The following LRIF1 variants were observed in gnomAD, a reference collection of about 807,000 sequenced individuals.
The protein encoded by LRIF1 is ligand dependent nuclear receptor interacting factor 1, also known as ligand-dependent nuclear receptor-interacting factor 1.
Under a neutral mutation model 52.7 loss-of-function variants are expected in LRIF1, and 32 were observed. That is an observed-to-expected ratio of 0.61 (90% CI 0.46 to 0.82). The LOEUF is 0.82. Among genes scored for constraint, LRIF1 ranks in the 40% least tolerant of loss-of-function variants. The pLI is 0.00. For missense variants in LRIF1, 887 were observed against 892.0 expected, an observed-to-expected ratio of 0.99 and a Z score of 0.07; for synonymous variants, 323 against 317.4, an observed-to-expected ratio of 1.02 and a Z score of -0.19.
At chr1:110,944,365 G>A (rs1159015289), downstream of LRIF1, 1 of 152,132 alleles carries the variant, frequency 6.6e-6, no homozygotes, top group Admixed American at 6.5e-5. Flanking sequence ...ATAGGTTTGA[G>A]ATGTCTATTT....
At position 110,955,359 on chromosome 1, in the gene LRIF1, A is replaced by C. The variant is rs541093907; in HGVS notation, c.69-2544T>G. On this transcript the variant is annotated intron_variant, in intron 1 of 3. Transcript: ENST00000369763. Reference sequence around the variant, plus strand: ...AAGCAAACATCATCTCTGGCTTAGAATACTACAATAGCTTCATGACTGATT... The same window carrying C: ...AAGCAAACATCATCTCTGGCTTAGACTACTACAATAGCTTCATGACTGATT... 2.6e-5 allele frequency among the ~76,000 whole-genome samples: 4 copies of C among 152,350 alleles called. No individual in the cohort carries two copies. The East Asian group carries it at 5.8e-4, about 22-fold the overall frequency.
At chr1:110,886,867 ATATTTT>A in the LRIF1 span, among the ~76,000 whole-genome samples, 16 of 41,370 alleles carry the variant, frequency 3.9e-4, no homozygotes, top group African/African-American at 1.0e-3. Context: ...ATATATATAT[ATATTTT>A]TTTTTTCTGT....
At position 110,951,349 on chromosome 1, in the gene LRIF1, G is replaced by T; in HGVS notation, c.1535C>A (p.Ser512Tyr). 1.2e-6 allele frequency: 2 copies of T among 1,614,066 alleles called. No individual in the cohort carries two copies. The highest frequency in any genetic ancestry group is 1.7e-6 in the Non-Finnish European group (2 of 1,179,976). The change falls in exon 2 of 4, where the codon TCC (serine) becomes TAC (tyrosine). Residue 512 changes from serine to tyrosine, a missense_variant. By Grantham distance (144) the Ser-to-Tyr change is moderately radical. Coordinates refer to ENST00000369763, the MANE Select transcript of LRIF1 (RefSeq NM_018372.4). ...SVLQSIEKIS[S>Y]SVDATTVTSQ... ...AGTAACAGTTGTTGCATCAACAGAG[G>T]AACTTATTTTCTCTATGCTCTGGAG...
At chr1:110,953,042 T>C (rs1416704160) in intron 1 of LRIF1, 1 of 198,216 alleles carries the variant, frequency 5.0e-6, no homozygotes, top group African/African-American at 2.3e-5. Flanking sequence ...ATAACATTTA[T>C]TCCTAAGACT....
At chr1:110,909,573 CTTTTTTTTTTTT>C in the LRIF1 span, among the ~76,000 whole-genome samples, 1 of 78,020 alleles carries the variant, frequency 1.3e-5, no homozygotes, top group East Asian at 4.2e-4. Context: ...GCAGGGGTAG[CTTTTTTTTTTTT>C]TTTTTTTTTT....
chr1:110,951,819 A>C lies in LRIF1; in HGVS notation c.1065T>G (p.Asn355Lys). ...TRSKNMPIKD[N>K]ALVMFNGKVY... ...CTTTCCCATTAAACATAACCAAAGC[A>C]TTATCTTTAATAGGCATATTTTTGG... Residue 355 changes from asparagine (N) to lysine (K), a missense_variant, in exon 2 of 4, where the codon AAT (asparagine) becomes AAG (lysine). Asn to Lys is a moderately conservative substitution (Grantham distance 94, BLOSUM62 0). Coordinates refer to ENST00000369763, the MANE Select transcript of LRIF1 (RefSeq NM_018372.4). The C allele has an allele frequency of 6.2e-7, 1 of 1,612,698 alleles. No individual in the cohort carries two copies. Among genetic ancestry groups the C allele is most frequent in the Non-Finnish European group, 8.5e-7 (1 of 1,180,012 alleles).
At chr1:110,922,451 C>T in the LRIF1 span, among the ~76,000 whole-genome samples, 1 of 152,124 alleles carries the variant, frequency 6.6e-6, no homozygotes, top group Admixed American at 6.5e-5. Flanking sequence ...AAATACATTT[C>T]TGTTTTTAGA....
the LRIF1 span, among the ~76,000 whole-genome samples, chr1:110,924,739 T>G: frequency 6.6e-6 from 1 of 152,018 alleles, no homozygotes; most frequent in East Asian, 1.9e-4. Context: ...ATACCAAAAC[T>G]TAAAAAGAAC....
the LRIF1 span, among the ~76,000 whole-genome samples, chr1:110,926,647 G>A: frequency 2.0e-5 from 3 of 152,030 alleles, no homozygotes; most frequent in Non-Finnish European, 2.9e-5. Context: ...ATGAAGAAAT[G>A]TACCATGCTT....
At chr1:110,948,704 AT>A (rs764884074) in intron 3 of LRIF1, among the ~76,000 whole-genome samples, 10 of 152,134 alleles carry the variant, frequency 6.6e-5, no homozygotes, top group Non-Finnish European at 1.5e-4. Context: ...TATAAAATTG[AT>A]TGTTTTTTTC....
chr1:110,945,931 T>C (rs758578246), downstream of LRIF1, among the ~76,000 whole-genome samples: 3 of 152,142 alleles, frequency 2.0e-5, no homozygotes, highest in Non-Finnish European at 4.4e-5. Context: ...ACTGAAATAG[T>C]TTGGCAGTTC....
At chr1:110,928,492 A>G in the LRIF1 span, among the ~76,000 whole-genome samples, 2 of 152,356 alleles carry the variant, frequency 1.3e-5, no homozygotes, top group East Asian at 1.9e-4. Flanking sequence ...ATCAGTGAAC[A>G]AAACAGTCAA....
chr1:110,907,796 C>G, the LRIF1 span, among the ~76,000 whole-genome samples: 1 of 152,010 alleles, frequency 6.6e-6, no homozygotes, highest in Admixed American at 6.6e-5. Context: ...GTTAGTAAAC[C>G]CAGATGGCCC....
intron 3 of LRIF1, among the ~76,000 whole-genome samples, chr1:110,949,506 G>A (rs923657181): frequency 1.3e-5 from 2 of 150,008 alleles, no homozygotes; most frequent in African/African-American, 4.9e-5. Flanking sequence ...TACAAACTCC[G>A]CCTCCCGGGT....
At chr1:110,949,447 T>C (rs527532448) in intron 3 of LRIF1, among the ~76,000 whole-genome samples, 1 of 140,548 alleles carries the variant, frequency 7.1e-6, no homozygotes, top group African/African-American at 2.7e-5. Flanking sequence ...TGAGATGGAG[T>C]CCTGCCCTGT....
intron 1 of LRIF1, among the ~76,000 whole-genome samples, chr1:110,959,736 C>CAAAAAA (rs11320169): frequency 8.6e-4 from 48 of 56,046 alleles, no homozygotes; most frequent in Admixed American, 1.1e-3. Flanking sequence ...GACTCCATCT[C>CAAAAAA]AAAAAAAAAA....
Position 110,952,782 on chromosome 1 carries a change from C to T in LRIF1, c.102G>A (p.Thr34=), listed in dbSNP as rs1462039210. Residue 34 remains threonine, a synonymous_variant, in exon 2 of 4, where the codon ACG becomes ACA. Coordinates refer to ENST00000369763, the MANE Select transcript of LRIF1 (RefSeq NM_018372.4). The part of the protein sequence containing the change: ...VSGCMYQVVQ[T]IGSDGKNLLQ... Reference sequence around the variant, plus strand: ...GAAGATTTTTTCCATCCGAGCCAATCGTCTGAACTACTTGGTACATGCAGC... The same window carrying T: ...GAAGATTTTTTCCATCCGAGCCAATTGTCTGAACTACTTGGTACATGCAGC... The T allele has an allele frequency of 6.2e-6, 10 of 1,610,424 alleles. No individual in the cohort carries two copies. Among genetic ancestry groups the T allele is most frequent in the Non-Finnish European group, 8.5e-6 (10 of 1,177,826 alleles).
At chr1:110,883,018 C>CT in the LRIF1 span, among the ~76,000 whole-genome samples, 1 of 151,784 alleles carries the variant, frequency 6.6e-6, no homozygotes, top group Non-Finnish European at 1.5e-5. Context: ...GCCAGTTTTA[C>CT]TTTTTTTTCT....
chr1:110,919,010 G>A, the LRIF1 span, among the ~76,000 whole-genome samples: 1 of 152,204 alleles, frequency 6.6e-6, no homozygotes, highest in Non-Finnish European at 1.5e-5. Context: ...CATAGCTTAG[G>A]TCAGCCAAAA....
Sources: allele counts gnomAD v4.1 joint callset (sites outside exome capture counted in the v4.1 genomes callset), GRCh38; gene constraint gnomAD v4.1.1; transcripts MANE v1.5; gene names NCBI Gene and HGNC (gene_info 2026-07-23, HGNC 2026-07-21).